The following PGAP1 variants were observed in gnomAD, a reference collection of about 807,000 sequenced individuals.
PGAP1 encodes post-GPI attachment to proteins inositol deacylase 1, also known as GPI inositol-deacylase.
Under a neutral mutation model 127.0 loss-of-function variants are expected in PGAP1, and 76 were observed. That is an observed-to-expected ratio of 0.60 (90% CI 0.50 to 0.72). PGAP1 has a LOEUF of 0.72. Among genes scored for constraint, PGAP1 ranks in the 30% least tolerant of loss-of-function variants. PGAP1 has a pLI of 0.00. For synonymous variants in PGAP1, 362 were observed against 366.5 expected, an observed-to-expected ratio of 0.99 and a Z score of 0.14; for missense variants, 982 against 1,071.3, an observed-to-expected ratio of 0.92 and a Z score of 1.16.
intron 19 of PGAP1, among the ~76,000 whole-genome samples, chr2:196,868,025 A>G (rs1397556261): frequency 6.6e-6 from 1 of 152,220 alleles, no homozygotes; most frequent in Non-Finnish European, 1.5e-5. Flanking sequence ...TAGCAGGCTC[A>G]GGAGTCAGAC....
At chr2:196,897,714 A>C (rs1702332602) in intron 6 of PGAP1, among the ~76,000 whole-genome samples, 1 of 152,348 alleles carries the variant, frequency 6.6e-6, no homozygotes, top group East Asian at 1.9e-4. Flanking sequence ...CCAAAAGTGC[A>C]GTTGATTCCA....
In PGAP1 at chr2:196,893,186, T is replaced by C. The variant is rs1158650037; in HGVS notation, c.987A>G (p.Pro329=). Residue 329 remains proline, a synonymous_variant, in exon 8 of 27, where the codon CCA becomes CCG. Coordinates refer to ENST00000354764, the MANE Select transcript of PGAP1 (RefSeq NM_024989.4). ...SVLYHHFIRH[P]SKHFEENPAI... ...CTGGATTTTCCTCAAAATGTTTTGA[T>C]GGGTGTCTTATAAAGTGGTGATACA... 1.9e-6 allele frequency: 3 copies of C among 1,601,564 alleles called. No homozygotes were observed. Among genetic ancestry groups the C allele is most frequent in the African/African-American group, 1.3e-5 (1 of 74,468 alleles).
chr2:196,848,817 T>G (rs898393896), intron 20 of PGAP1, among the ~76,000 whole-genome samples: 1 of 152,238 alleles, frequency 6.6e-6, no homozygotes, highest in Non-Finnish European at 1.5e-5. Flanking sequence ...CTTGGTTATA[T>G]TCCTAGGAAT....
intron 12 of PGAP1, among the ~76,000 whole-genome samples, chr2:196,885,083 T>C (rs1015580656): frequency 1.3e-5 from 2 of 152,184 alleles, no homozygotes; most frequent in Non-Finnish European, 2.9e-5. Flanking sequence ...CTAAGTATAC[T>C]AACTCAGCTC....
intron 2 of PGAP1, among the ~76,000 whole-genome samples, chr2:196,916,997 G>T (rs537661822): frequency 6.6e-6 from 1 of 152,084 alleles, no homozygotes; most frequent in Admixed American, 6.6e-5. Flanking sequence ...AGATACTCAC[G>T]CTTGATTTGT....
chr2:196,879,020 T>G (rs1056332276), intron 13 of PGAP1, among the ~76,000 whole-genome samples: 8 of 152,188 alleles, frequency 5.3e-5, no homozygotes, highest in Non-Finnish European at 1.5e-5. Flanking sequence ...CAATGTTCAT[T>G]CTTCCTATAA....
At chr2:196,858,901 T>C (rs1004986964) in intron 20 of PGAP1, among the ~76,000 whole-genome samples, 1 of 151,794 alleles carries the variant, frequency 6.6e-6, no homozygotes, top group Non-Finnish European at 1.5e-5. Context: ...ATAGAAAGGA[T>C]CATTAGAGAA....
chr2:196,913,029 C>T lies in PGAP1; in HGVS notation c.502G>A (p.Val168Met), dbSNP rs779385418. 8.7e-6 allele frequency: 14 copies of T among 1,609,394 alleles called. No homozygotes were observed. Among genetic ancestry groups the T allele is most frequent in the Admixed American group, 8.4e-5 (5 of 59,318 alleles). Residue 168 changes from valine to methionine, a missense_variant, in exon 4 of 27, where the codon GTG (valine) becomes ATG (methionine). Transcript: ENST00000354764. ...YKGQEFAPKS[V>M]AIIGHSMGGL... ...CCCATAGAATGACCAATTATTGCCA[C>T]ACTTTTTGGAGCAAATTCTTGACCC...
At chr2:196,864,640 T>C (rs1266156044) in intron 20 of PGAP1, among the ~76,000 whole-genome samples, 1 of 152,070 alleles carries the variant, frequency 6.6e-6, no homozygotes, top group Non-Finnish European at 1.5e-5. Context: ...GCTAAGAGAA[T>C]GTTAATAATT....
chr2:196,859,216 A>G (rs1700983970), intron 20 of PGAP1, among the ~76,000 whole-genome samples: 1 of 152,176 alleles, frequency 6.6e-6, no homozygotes, highest in African/African-American at 2.4e-5. Flanking sequence ...AATCCCAGCT[A>G]CTTGGGAGAC....
chr2:196,845,067 A>G (rs2125776976), intron 23 of PGAP1, among the ~76,000 whole-genome samples: 1 of 152,128 alleles, frequency 6.6e-6, no homozygotes, highest in Admixed American at 6.5e-5. Context: ...AATTTAATTT[A>G]TTAGGGTTAC....
At chr2:196,860,630 TA>T in intron 20 of PGAP1, among the ~76,000 whole-genome samples, 1 of 152,014 alleles carries the variant, frequency 6.6e-6, no homozygotes, top group Non-Finnish European at 1.5e-5. Context: ...GTAACCAAAG[TA>T]AAATATCTCC....
intron 14 of PGAP1, among the ~76,000 whole-genome samples, chr2:196,874,167 T>C (rs1176478126): frequency 1.3e-5 from 2 of 152,066 alleles, no homozygotes; most frequent in African/African-American, 4.8e-5. Context: ...GTAACACAGA[T>C]TCTTTTCATA....
intron 22 of PGAP1, 131 bp from the exon 23 acceptor site, chr2:196,846,148 G>C (rs565822919): frequency 2.1e-6 from 1 of 474,112 alleles, no homozygotes; most frequent in Non-Finnish European, 3.5e-6. Flanking sequence ...AAACAACAAG[G>C]TATTTTTTAA....
intron 10 of PGAP1, among the ~76,000 whole-genome samples, chr2:196,888,003 T>C (rs968824340): frequency 2.6e-5 from 4 of 152,156 alleles, no homozygotes; most frequent in Non-Finnish European, 4.4e-5. Flanking sequence ...ATTATGAAAA[T>C]TGCTGATATT....
At chr2:196,912,609 T>TAAAAAAAAAAAAAAAAAAAAAA (rs1702866782) in intron 4 of PGAP1, among the ~76,000 whole-genome samples, 1 of 92,300 alleles carries the variant, frequency 1.1e-5, no homozygotes, top group African/African-American at 4.1e-5. Flanking sequence ...AAAAAAAAAC[T>TAAAAAAAAAAAAAAAAAAAAAA]AAACGGAAGC....
intron 17 of PGAP1, 170 bp downstream of exon 17, chr2:196,872,790 T>C (rs1271900923): frequency 5.4e-6 from 3 of 557,774 alleles, no homozygotes; most frequent in Non-Finnish European, 9.5e-6. Context: ...TTAAGTTCTC[T>C]ATCATTTCAT....
intron 26 of PGAP1, 41 bp downstream of exon 26, chr2:196,842,680 C>A: frequency 5.7e-6 from 6 of 1,061,286 alleles, no homozygotes; most frequent in South Asian, 5.1e-5. Context: ...GGAAAAAGGC[C>A]AAGAACAGAT....
intron 22 of PGAP1, 66 bp downstream of exon 22, chr2:196,846,937 G>A: frequency 1.5e-6 from 2 of 1,294,528 alleles, no homozygotes; most frequent in South Asian, 2.9e-5. Flanking sequence ...TTAATTTCAG[G>A]TTCCTTATCA....
Sources: allele counts gnomAD v4.1 joint callset (sites outside exome capture counted in the v4.1 genomes callset), GRCh38; gene constraint gnomAD v4.1.1; transcripts MANE v1.5; gene names NCBI Gene and HGNC (gene_info 2026-07-23, HGNC 2026-07-21).